CCDC88C: variants seen among roughly 807,000 people sequenced by gnomAD.
The protein encoded by CCDC88C is coiled-coil and HOOK domain protein 88C, also known as protein Daple.
In CCDC88C, 131 loss-of-function variants were observed where a neutral mutation model predicts 198.8. That is an observed-to-expected ratio of 0.66 (90% CI 0.57 to 0.76). CCDC88C has a LOEUF of 0.76. CCDC88C is among the 30% of genes least tolerant of loss of function. The pLI is 0.00. For synonymous variants in CCDC88C, 1,166 were observed against 1,114.7 expected (o/e 1.05, Z -0.92); for missense variants, 2,553 against 2,631.6 (o/e 0.97, Z 0.65).
chr14:91,339,394 G>A lies in CCDC88C; in HGVS notation c.693C>T (p.Ser231=), dbSNP rs769124911. The A allele has an allele frequency of 1.2e-6, 2 of 1,613,554 alleles. No individual in the cohort carries two copies. The highest frequency in any genetic ancestry group is 1.1e-5 in the South Asian group (1 of 90,992). Residue 231 remains serine, a synonymous_variant, in exon 8 of 30, where the codon TCC becomes TCT. Coordinates refer to ENST00000389857, the MANE Select transcript of CCDC88C (RefSeq NM_001080414.4). This position sits in a 1 kb window ranked among gnomAD's most constrained non-coding sequence, Gnocchi z 5.8. ...GGCTGGGAGTGGAGTCGGCGCTGGAGGACTTGATGGGGCTGGGTGGATGCT... is the reference window on the plus strand; with the variant it reads ...GGCTGGGAGTGGAGTCGGCGCTGGAAGACTTGATGGGGCTGGGTGGATGCT... The part of the protein sequence containing the change: ...QAQHPPSPIK[S]SSADSTPSPT...
chr14:91,396,163 A>T (rs1003570973), intron 3 of CCDC88C, among the ~76,000 whole-genome samples: 2 of 152,160 alleles, frequency 1.3e-5, no homozygotes, highest in African/African-American at 4.8e-5. Flanking sequence ...AATAACAAAA[A>T]CTGTTACGAG....
chr14:91,361,089 G>A (rs1443600956), intron 3 of CCDC88C, among the ~76,000 whole-genome samples: 1 of 148,248 alleles, frequency 6.7e-6, no homozygotes, highest in Non-Finnish European at 1.5e-5. Flanking sequence ...TATGTTGCAC[G>A]AGTGCACTCC....
intron 28 of CCDC88C, among the ~76,000 whole-genome samples, chr14:91,278,901 T>TTA (rs1890082651): frequency 1.5e-5 from 2 of 134,828 alleles, no homozygotes; most frequent in Non-Finnish European, 3.2e-5. Context: ...TTTTTTTTTT[T>TTA]TTTTTTTTTT....
chr14:91,318,233 A>G (rs1892190667), intron 13 of CCDC88C, among the ~76,000 whole-genome samples: 1 of 152,048 alleles, frequency 6.6e-6, no homozygotes, highest in African/African-American at 2.4e-5. Context: ...CAGCCTGGGC[A>G]ACATAAAGAG....
At chr14:91,286,099 C>G (rs1047288481) in intron 25 of CCDC88C, among the ~76,000 whole-genome samples, 1 of 152,168 alleles carries the variant, frequency 6.6e-6, no homozygotes, top group Non-Finnish European at 1.5e-5. Flanking sequence ...AGGAGAATTA[C>G]ATACTGCCCA....
At chr14:91,400,974 C>T (rs1354683078) in intron 3 of CCDC88C, among the ~76,000 whole-genome samples, 2 of 151,664 alleles carry the variant, frequency 1.3e-5, no homozygotes, top group Admixed American at 6.6e-5. Context: ...GTAGTTACAC[C>T]CACACGATAA....
At position 91,289,052 on chromosome 14, in the gene CCDC88C, C is replaced by T. The variant is rs1890541046; in HGVS notation, c.4441+53G>A. 5.4e-6 allele frequency: 8 copies of T among 1,470,830 alleles called. No individual in the cohort carries two copies. The South Asian group carries it at 8.1e-5, about 15-fold the overall frequency. 91.1% of individuals were successfully genotyped at this position (1,470,830 alleles called of 1,614,324 possible). A position where few individuals can be genotyped will look rare whatever the true frequency, so the allele number is the denominator to read the frequency against. On this transcript the variant is annotated intron_variant, in intron 25 of 29. Coordinates refer to ENST00000389857, the MANE Select transcript of CCDC88C (RefSeq NM_001080414.4). ...GTGTGCACAGCCACCGGTGCGGGAC[C>T]CTTCAGGACACCCCCTTCCTCACCC...
chr14:91,297,514 G>T, intron 21 of CCDC88C, 23 bp from the exon 22 acceptor site: 1 of 1,550,780 alleles, frequency 6.4e-7, no homozygotes, highest in Non-Finnish European at 8.7e-7. Flanking sequence ...GAGTCACAGG[G>T]CAAAGGAGCT....
At chr14:91,399,951 T>C (rs1172292106) in intron 3 of CCDC88C, among the ~76,000 whole-genome samples, 2 of 151,698 alleles carry the variant, frequency 1.3e-5, no homozygotes, top group Non-Finnish European at 2.9e-5. Context: ...ACCTTCAGGC[T>C]GCTTTATGTC....
Position 91,321,314 on chromosome 14 carries a change from A to C in CCDC88C, c.1343-10T>G, listed in dbSNP as rs1892346853. ...AACGACTTCCTGGAGGCTGAAGACA[A>C]AGTCCAGTCAGAGCCCAGTGGTCTG... On this transcript the variant is annotated splice_polypyrimidine_tract_variant and intron_variant, in intron 12 of 29. Transcript: ENST00000389857. The C allele has an allele frequency of 6.4e-7, 1 of 1,550,920 alleles. No homozygotes were observed.
In CCDC88C at chr14:91,417,709, G is replaced by T; in HGVS notation, c.-19C>A. 4 of 1,502,176 alleles carry T rather than the reference G, an allele frequency of 2.7e-6. No individual in the cohort carries two copies. The highest frequency in any genetic ancestry group is 3.5e-6 in the Non-Finnish European group (4 of 1,128,622). 93.1% of individuals were successfully genotyped at this position (1,502,176 alleles called of 1,614,324 possible). On this transcript the variant is annotated 5_prime_UTR_variant, in exon 1 of 30. Transcript: ENST00000389857. Reference sequence around the variant, plus strand: ...CGTCCATGCTGAGGCTGCGCCCGCCGGCTCCGCGCCCCCCGCCCCGCGTCC... The same window carrying T: ...CGTCCATGCTGAGGCTGCGCCCGCCTGCTCCGCGCCCCCCGCCCCGCGTCC...
At position 91,279,232 on chromosome 14, in the gene CCDC88C, A is replaced by G. The variant is rs183312399; in HGVS notation, c.4768+6T>C. ...TTTTAAAAGTACACAGAAGCACAAG[A>G]CTTACCTTTTAGGTTAAGAGGTGAG... is the stretch of plus-strand genomic sequence containing the variant. On this transcript the variant is annotated splice_donor_region_variant and intron_variant, in intron 28 of 29. Transcript: ENST00000389857. 184 of 1,586,286 alleles carry G rather than the reference A, an allele frequency of 1.2e-4. 1 individual carries two copies. The African/African-American group carries it at 2.2e-3, about 19-fold the overall frequency.
intron 29 of CCDC88C, among the ~76,000 whole-genome samples, chr14:91,275,264 A>T (rs965775204): frequency 3.3e-5 from 5 of 152,146 alleles, no homozygotes; most frequent in African/African-American, 1.2e-4. Context: ...GAAAGGTAAC[A>T]GTACAGGGCA....
In CCDC88C at chr14:91,339,732, C is replaced by T. The variant is rs1893225979; in HGVS notation, c.624+152G>A. ...ACAGGCCCGAGGTGACCATGCACTG[C>T]AGGGGCCGTAACCAGGGAAAGCACG... On this transcript the variant is annotated intron_variant, in intron 7 of 29. Coordinates refer to ENST00000389857, the MANE Select transcript of CCDC88C (RefSeq NM_001080414.4). The surrounding 1 kb of genome is among the most constrained non-coding windows in gnomAD (Gnocchi z 5.8). Among the ~76,000 whole-genome samples the T allele has an allele frequency of 6.6e-6, 1 of 152,204 alleles. No individual in the cohort carries two copies. Among genetic ancestry groups the T allele is most frequent in the Non-Finnish European group, 1.5e-5 (1 of 68,032 alleles).
At chr14:91,287,058 C>T (rs1890438473) in intron 25 of CCDC88C, among the ~76,000 whole-genome samples, 1 of 152,082 alleles carries the variant, frequency 6.6e-6, no homozygotes. Context: ...TCACTTTGGA[C>T]CAGTCAAGCA....
chr14:91,398,005 C>T (rs985641722), intron 3 of CCDC88C, among the ~76,000 whole-genome samples: 2 of 152,314 alleles, frequency 1.3e-5, no homozygotes, highest in African/African-American at 4.8e-5. Flanking sequence ...CCTAATCTAT[C>T]GAATGGAGAC....
At chr14:91,290,643 T>C (rs569437602) in intron 24 of CCDC88C, among the ~76,000 whole-genome samples, 144 of 152,290 alleles carry the variant, frequency 9.5e-4, no homozygotes, top group Admixed American at 1.8e-3. Flanking sequence ...CTCTCCAAAA[T>C]AGGAACATGG....
intron 20 of CCDC88C, among the ~76,000 whole-genome samples, chr14:91,303,025 A>C (rs1338283205): frequency 6.6e-6 from 1 of 152,196 alleles, no homozygotes; most frequent in Non-Finnish European, 1.5e-5. Context: ...CCAAATTGCT[A>C]AAGGTAACGT....
At position 91,325,754 on chromosome 14, in the gene CCDC88C, C is replaced by T. The variant is rs545911642; in HGVS notation, c.1197+156G>A. On this transcript the variant is annotated intron_variant, in intron 11 of 29. Transcript: ENST00000389857. This position sits in a 1 kb window ranked among gnomAD's most constrained non-coding sequence, Gnocchi z 4.1. ...CCACCATGCCCAATTATTTAGTTTT[C>T]GTAGAGATGGGGCCTCGCTAGGTTG... Among the ~76,000 whole-genome samples the T allele has an allele frequency of 2.6e-5, 4 of 152,126 alleles. No individual in the cohort carries two copies. Among genetic ancestry groups the T allele is most frequent in the Admixed American group, 6.6e-5 (1 of 15,258 alleles).
Sources: gnomAD v4.1 joint callset for allele counts (sites outside exome capture counted in the v4.1 genomes callset) on GRCh38, gnomAD v4.1.1 for gene constraint, Gnocchi (gnomAD v3.1) non-coding constraint, MANE v1.5 for transcripts, NCBI Gene and HGNC (gene_info 2026-07-23, HGNC 2026-07-21) for gene names.